SH3GL2: variants seen among roughly 807,000 people sequenced by gnomAD.
The protein encoded by SH3GL2 is SH3 domain containing GRB2 like 2, endophilin A1.
A neutral mutation model predicts 46.0 loss-of-function variants in SH3GL2; 24 were observed. The ratio of observed to expected loss-of-function variants is 0.52; its 90% confidence interval spans 0.38 to 0.73. The LOEUF is 0.73. Among genes scored for constraint, SH3GL2 ranks in the 30% least tolerant of loss-of-function variants. SH3GL2 has a pLI of 0.00. For missense variants in SH3GL2, 413 were observed against 424.2 expected (o/e 0.97, Z 0.23); for synonymous variants, 196 against 147.1 (o/e 1.33, Z -2.40).
At chr9:17,623,570 T>G (rs752978842) in intron 1 of SH3GL2, among the ~76,000 whole-genome samples, 14 of 152,122 alleles carry the variant, frequency 9.2e-5, no homozygotes, top group Non-Finnish European at 1.9e-4. Context: ...GAATGAAGGT[T>G]CAATATGTTT....
At chr9:17,604,405 T>G (rs1818726744) in intron 1 of SH3GL2, among the ~76,000 whole-genome samples, 1 of 152,250 alleles carries the variant, frequency 6.6e-6, no homozygotes, top group African/African-American at 2.4e-5. Context: ...TTTTAGGTGC[T>G]TAGCATAGTA....
chr9:17,762,663 A>T (rs1823212227), intron 3 of SH3GL2, among the ~76,000 whole-genome samples: 1 of 152,220 alleles, frequency 6.6e-6, no homozygotes, highest in Non-Finnish European at 1.5e-5. Context: ...AGAAAATGTG[A>T]TAAGCTATAG....
rs185863651 is a variant in SH3GL2, at chr9:17,697,364, C to T, written c.46-49702C>T. On this transcript the variant is annotated intron_variant, in intron 1 of 8. Transcript: ENST00000380607. The stretch of plus-strand genomic sequence containing the variant: ...TCAGCCACCTGAGTAGTTGGGATTA[C>T]AGGTGCACGCCACCATGCCTGGCTA... Among the ~76,000 whole-genome samples the T allele has an allele frequency of 4.4e-3, 669 of 152,014 alleles. 9 individuals are homozygous for T. The highest frequency in any genetic ancestry group is 0.013 in the African/African-American group (541 of 41,482).
intron 1 of SH3GL2, among the ~76,000 whole-genome samples, chr9:17,580,858 A>G (rs1381935816): frequency 6.6e-6 from 1 of 152,106 alleles, no homozygotes; most frequent in African/African-American, 2.4e-5. Flanking sequence ...TCTTTTTTCC[A>G]CTTGGATTCT....
At chr9:17,623,686 A>G (rs976356732) in intron 1 of SH3GL2, among the ~76,000 whole-genome samples, 1 of 147,814 alleles carries the variant, frequency 6.8e-6, no homozygotes, top group South Asian at 2.2e-4. Context: ...TCTTATATTT[A>G]ACCCTATTTA....
intron 1 of SH3GL2, among the ~76,000 whole-genome samples, chr9:17,706,275 C>G (rs1055962731): frequency 3.3e-5 from 5 of 152,020 alleles, no homozygotes; most frequent in African/African-American, 1.2e-4. Flanking sequence ...CCTTTCATAC[C>G]TTTAAGTCAA....
chr9:17,780,440 TG>T (rs1165561399), intron 3 of SH3GL2, among the ~76,000 whole-genome samples: 1 of 152,100 alleles, frequency 6.6e-6, no homozygotes, highest in Non-Finnish European at 1.5e-5. Flanking sequence ...TTTAGGTGTT[TG>T]CATTTTCTAG....
chr9:17,605,395 C>A (rs1014655372), intron 1 of SH3GL2, among the ~76,000 whole-genome samples: 1 of 152,034 alleles, frequency 6.6e-6, no homozygotes, highest in South Asian at 2.1e-4. Context: ...AGACTTCATC[C>A]GAAATTGAGA....
chr9:17,711,434 T>G lies in SH3GL2; in HGVS notation c.46-35632T>G, dbSNP rs1821622127. Among the ~76,000 whole-genome samples, 2 of 151,876 alleles carry G rather than the reference T, an allele frequency of 1.3e-5. 1 individual carries two copies. Among genetic ancestry groups the G allele is most frequent in the South Asian group, 4.1e-4 (2 of 4,830 alleles). On this transcript the variant is annotated intron_variant, in intron 1 of 8. Coordinates refer to ENST00000380607, the MANE Select transcript of SH3GL2 (RefSeq NM_003026.5). ...CAGAAAGCGAACAGAATCCATTACT[T>G]TCTCAACAGAACCCAATGCTTTCTC...
intron 1 of SH3GL2, among the ~76,000 whole-genome samples, chr9:17,612,505 C>T (rs1345082151): frequency 2.6e-5 from 4 of 152,074 alleles, no homozygotes; most frequent in Non-Finnish European, 4.4e-5. Context: ...AAATGCAGCT[C>T]TATTGAAATA....
intron 1 of SH3GL2, among the ~76,000 whole-genome samples, chr9:17,708,617 G>C (rs58929298): frequency 0.04 from 6,149 of 151,960 alleles, 325 homozygotes; most frequent in African/African-American, 0.12. Context: ...ACCTGGTCAG[G>C]TGTCTCTAGT....
intron 1 of SH3GL2, among the ~76,000 whole-genome samples, chr9:17,686,743 A>G (rs1820921619): frequency 7.1e-6 from 1 of 140,564 alleles, no homozygotes; most frequent in Admixed American, 7.8e-5. Flanking sequence ...GAACAGTGAA[A>G]TCACATGGAC....
intron 1 of SH3GL2, among the ~76,000 whole-genome samples, chr9:17,601,626 C>A (rs1391681161): frequency 6.6e-6 from 1 of 152,180 alleles, no homozygotes; most frequent in Non-Finnish European, 1.5e-5. Context: ...TATATTGAAA[C>A]AAACCATGAC....
At chr9:17,678,635 A>G (rs1330030761) in intron 1 of SH3GL2, among the ~76,000 whole-genome samples, 2 of 152,082 alleles carry the variant, frequency 1.3e-5, no homozygotes, top group African/African-American at 4.8e-5. Context: ...CTTTAGTTTA[A>G]TTAGATCCCA....
intron 1 of SH3GL2, among the ~76,000 whole-genome samples, chr9:17,615,612 G>A (rs962060175): frequency 1.9e-4 from 25 of 132,200 alleles, no homozygotes; most frequent in Admixed American, 7.1e-4. Context: ...CCGAGATTGC[G>A]CCACTGCACT....
intron 1 of SH3GL2, among the ~76,000 whole-genome samples, chr9:17,703,787 A>G (rs1282524485): frequency 6.6e-6 from 1 of 152,116 alleles, no homozygotes. Flanking sequence ...CAAACTAGAC[A>G]TCAAAGGAAT....
At chr9:17,615,129 C>T (rs1302411917) in intron 1 of SH3GL2, among the ~76,000 whole-genome samples, 1 of 152,134 alleles carries the variant, frequency 6.6e-6, no homozygotes, top group Non-Finnish European at 1.5e-5. Context: ...GTAGGACCCA[C>T]GGCTGTGTGT....
intron 4 of SH3GL2, among the ~76,000 whole-genome samples, 194 bp downstream of exon 4, chr9:17,786,718 C>T (rs12551838): frequency 6.6e-6 from 1 of 152,014 alleles, no homozygotes; most frequent in South Asian, 2.1e-4. Context: ...TACAAGTTTT[C>T]TTCCCACCCC....
chr9:17,656,539 A>G (rs1348209912), intron 1 of SH3GL2, among the ~76,000 whole-genome samples: 1 of 152,130 alleles, frequency 6.6e-6, no homozygotes, highest in Non-Finnish European at 1.5e-5. Flanking sequence ...CAAGTAATTA[A>G]TTATTAAAGT....
Sources: allele counts gnomAD v4.1 joint callset (sites outside exome capture counted in the v4.1 genomes callset), GRCh38; gene constraint gnomAD v4.1.1; transcripts MANE v1.5; gene names NCBI Gene and HGNC (gene_info 2026-07-23, HGNC 2026-07-21).